The following ARHGAP11B variants were observed in gnomAD, a reference collection of about 807,000 sequenced individuals.
ARHGAP11B encodes the protein Rho GTPase activating protein 11B, also known as inactive Rho GTPase-activating protein 11B.
A neutral mutation model predicts 27.6 loss-of-function variants in ARHGAP11B; 14 were observed. The observed-to-expected ratio is 0.51, with a 90% CI of 0.34 to 0.79. The LOEUF (loss-of-function observed/expected upper bound fraction) is 0.79, where lower values mean the gene tolerates loss of function less well. ARHGAP11B is among the 30% of genes least tolerant of loss of function. The pLI is 0.02. For missense variants in ARHGAP11B, 245 were observed against 320.1 expected (o/e 0.77, Z 1.79); for synonymous variants, 82 against 114.1 (o/e 0.72, Z 1.80).
intron 10 of ARHGAP11B, chr15:30,647,778 T>C (rs1419768030): frequency 5.6e-6 from 1 of 179,230 alleles, no homozygotes; most frequent in African/African-American, 2.4e-5. Context: ...ATAGCATACA[T>C]ACTTATCAAA....
intron 5 of ARHGAP11B, 52 bp downstream of exon 5, chr15:30,635,240 A>G (rs1234518962): frequency 6.3e-7 from 1 of 1,599,144 alleles, no homozygotes; most frequent in East Asian, 2.2e-5. Flanking sequence ...TGCATCAGAT[A>G]TTGGTAAGAT....
rs1350585917 is a variant in ARHGAP11B at position 30,646,200 on chromosome 15, T to C, written c.*229T>C. Reference sequence around the variant, plus strand: ...GCAGATCGACTCCAGTGAGAAGAGCTCGGGGACCTCCTGAGCCAAGTTTAA... The same window carrying C: ...GCAGATCGACTCCAGTGAGAAGAGCCCGGGGACCTCCTGAGCCAAGTTTAA... On this transcript the variant is annotated 3_prime_UTR_variant, in exon 9 of 11. Coordinates refer to ENST00000428041, the Ensembl canonical transcript of ARHGAP11B. 20 of 1,066,940 alleles carry C rather than the reference T, an allele frequency of 1.9e-5. No homozygotes were observed. In the Admixed American group the frequency reaches 3.8e-4, roughly 20 times the overall value. The allele number at this position is 1,066,940 out of a possible 1,614,324, so 66.1% of individuals were successfully genotyped here. A position where few individuals can be genotyped will look rare whatever the true frequency, so the allele number is the denominator to read the frequency against.
At position 30,632,734 on chromosome 15, in the gene ARHGAP11B, A is replaced by C. The variant is rs536500666; in HGVS notation, c.201-756A>C. On this transcript the variant is annotated intron_variant, in intron 2 of 10. Coordinates refer to ENST00000428041, the Ensembl canonical transcript of ARHGAP11B. The stretch of plus-strand genomic sequence containing the variant: ...AAAGAAATTGAGCACATTCCCCTTA[A>C]TATGAAAAGGCTTGTAAGGACTGGG... Among the ~76,000 whole-genome samples, 11 of 151,714 alleles carry C rather than the reference A, an allele frequency of 7.3e-5. 1 individual carries two copies. In the South Asian group the frequency reaches 2.3e-3, roughly 32 times the overall value.
At chr15:30,641,177 T>TTCTTTGACC (rs2060312916) in intron 7 of ARHGAP11B, among the ~76,000 whole-genome samples, 1 of 152,048 alleles carries the variant, frequency 6.6e-6, no homozygotes, top group Non-Finnish European at 1.5e-5. Context: ...TACACCACTT[T>TTCTTTGACC]TCTTTGACCC....
In ARHGAP11B at chr15:30,633,682, A is replaced by G; in HGVS notation, c.297+96A>G. The G allele has an allele frequency of 4.0e-6, 4 of 1,009,398 alleles. 1 individual carries two copies. Among genetic ancestry groups the G allele is most frequent in the Non-Finnish European group, 4.2e-6 (3 of 718,884 alleles). 62.5% of individuals were successfully genotyped at this position (1,009,398 alleles called of 1,614,324 possible). A position where few individuals can be genotyped will look rare whatever the true frequency, so the allele number is the denominator to read the frequency against. On this transcript the variant is annotated intron_variant, in intron 3 of 10. Coordinates refer to ENST00000428041, the Ensembl canonical transcript of ARHGAP11B. The stretch of plus-strand genomic sequence containing the variant: ...TTAGAACTATTAATATGAATAGTTG[A>G]CAGAAATTGAATTTGCATTTTTTTC...
rs1044805091 is a variant in ARHGAP11B at position 30,626,168 on chromosome 15, A to C, written c.-653A>C. 2.6e-5 allele frequency: 4 copies of C among 153,202 alleles called. 1 individual carries two copies. The highest frequency in any genetic ancestry group is 9.6e-5 in the African/African-American group (4 of 41,456). 9.5% of individuals were successfully genotyped at this position (153,202 alleles called of 1,614,324 possible). A position where few individuals can be genotyped will look rare whatever the true frequency, so the allele number is the denominator to read the frequency against. ...CTGCAGTGGAGCTGGGGGCGGAAGC[A>C]TGAGGCTAACGGCTTGGCTTCAGTG... is the stretch of plus-strand genomic sequence containing the variant. On this transcript the variant is annotated 5_prime_UTR_variant, in exon 1 of 11. The change abolishes an upstream ATG in the 5' untranslated region. Coordinates refer to ENST00000428041, the Ensembl canonical transcript of ARHGAP11B.
At position 30,637,688 on chromosome 15, in the gene ARHGAP11B, C is replaced by T. The variant is rs1595675814; in HGVS notation, c.*4-1058C>T. Among the ~76,000 whole-genome samples, 4 of 151,958 alleles carry T rather than the reference C, an allele frequency of 2.6e-5. 1 individual carries two copies. The South Asian group carries it at 6.2e-4, about 24-fold the overall frequency. ...GGCGGAGGTTGTCGTTGGCTGAGAT[C>T]GGGCCACTGCACTCCAGCCTGGGCA... On this transcript the variant is annotated intron_variant, in intron 6 of 10. Coordinates refer to ENST00000428041, the Ensembl canonical transcript of ARHGAP11B.
chr15:30,640,791 G>C (rs2060310672), intron 7 of ARHGAP11B, among the ~76,000 whole-genome samples: 1 of 151,934 alleles, frequency 6.6e-6, no homozygotes, highest in Non-Finnish European at 1.5e-5. Flanking sequence ...TTCCTCACAG[G>C]TTCTCTAGGG....
At chr15:30,629,305 AG>A (rs2060229128) in intron 1 of ARHGAP11B, among the ~76,000 whole-genome samples, 1 of 151,988 alleles carries the variant, frequency 6.6e-6, no homozygotes, top group Non-Finnish European at 1.5e-5. Context: ...GCATTTTGGG[AG>A]GCCGAGGAGG....
chr15:30,635,642 T>C lies in ARHGAP11B; in HGVS notation c.*3+9T>C, dbSNP rs777252515. The C allele has an allele frequency of 7.5e-5, 121 of 1,613,040 alleles. 1 individual carries two copies. In the East Asian group the frequency reaches 1.6e-3, roughly 21 times the overall value. On this transcript the variant is annotated intron_variant, in intron 6 of 10. Transcript: ENST00000428041. ...AAGACAACGTGTAGGAGGTAAGTGG[T>C]GGTCCCATTTTATGGAGGTACAGTG...
chr15:30,643,202 A>G (rs2060325319), intron 7 of ARHGAP11B, among the ~76,000 whole-genome samples: 2 of 151,474 alleles, frequency 1.3e-5, no homozygotes, highest in Non-Finnish European at 2.9e-5. Context: ...CCTTAGTCTC[A>G]TATAATCTGT....
chr15:30,630,510 C>G (rs1408360146), intron 1 of ARHGAP11B, among the ~76,000 whole-genome samples, 193 bp from the exon 2 acceptor site: 2 of 151,966 alleles, frequency 1.3e-5, no homozygotes, highest in African/African-American at 2.4e-5. Context: ...ACTCCCAGCA[C>G]TCAGCATACT....
At chr15:30,641,878 AG>A (rs1329216391) in intron 7 of ARHGAP11B, among the ~76,000 whole-genome samples, 1 of 151,518 alleles carries the variant, frequency 6.6e-6, no homozygotes, top group Non-Finnish European at 1.5e-5. Context: ...CACCACACCC[AG>A]CTAATTTTTG....
chr15:30,630,834 T>A lies in ARHGAP11B; in HGVS notation c.200+61T>A, dbSNP rs2060240202. 8.7e-6 allele frequency: 14 copies of A among 1,608,194 alleles called. No individual in the cohort carries two copies. The South Asian group carries it at 1.3e-4, about 15-fold the overall frequency. On this transcript the variant is annotated intron_variant, in intron 2 of 10. Coordinates refer to ENST00000428041, the Ensembl canonical transcript of ARHGAP11B. ...GTGGCATATGCCTGTAACCCCAGCA[T>A]TTTGAGAGGCCGAGGTGGGCAGATC...
chr15:30,634,680 C>T (rs969132047), intron 4 of ARHGAP11B, among the ~76,000 whole-genome samples: 1 of 151,766 alleles, frequency 6.6e-6, no homozygotes, highest in African/African-American at 2.4e-5. Flanking sequence ...CACTGAAAGC[C>T]TTTGTTTACT....
intron 1 of ARHGAP11B, among the ~76,000 whole-genome samples, chr15:30,627,202 T>A (rs2060215185): frequency 6.6e-6 from 1 of 151,972 alleles, no homozygotes; most frequent in South Asian, 2.1e-4. Flanking sequence ...TTGGATTAGA[T>A]AATTTTTGTT....
At position 30,626,664 on chromosome 15, in the gene ARHGAP11B, G is replaced by A. The variant is rs2060209192; in HGVS notation, c.-157G>A. 9.7e-7 allele frequency: 1 copy of A among 1,034,078 alleles called. No individual in the cohort carries two copies. Among genetic ancestry groups the A allele is most frequent in the Admixed American group, 2.9e-5 (1 of 34,514 alleles). 64.1% of individuals were successfully genotyped at this position (1,034,078 alleles called of 1,614,324 possible). On this transcript the variant is annotated 5_prime_UTR_variant, in exon 1 of 11. The change creates a new upstream start codon in the 5' untranslated region. Transcript: ENST00000428041. ...TGTGAGTGAGGATCAAGGAAAAGCC[G>A]TGGAAGTGGCCGGGGGTCGGGGCCG...
chr15:30,644,387 G>C (rs1420943552), intron 7 of ARHGAP11B, among the ~76,000 whole-genome samples: 1 of 152,014 alleles, frequency 6.6e-6, no homozygotes, highest in African/African-American at 2.4e-5. Flanking sequence ...TAAAGAGTAA[G>C]CCAAGATAGG....
At chr15:30,639,387 A>G (rs1174095915) in intron 7 of ARHGAP11B, among the ~76,000 whole-genome samples, 4 of 151,556 alleles carry the variant, frequency 2.6e-5, no homozygotes, top group Non-Finnish European at 2.9e-5. Flanking sequence ...GTTAGATTTA[A>G]GTAACTGCTG....
Sources: allele counts gnomAD v4.1 joint callset (sites outside exome capture counted in the v4.1 genomes callset), GRCh38; gene constraint gnomAD v4.1.1; transcripts MANE v1.5; gene names NCBI Gene and HGNC (gene_info 2026-07-23, HGNC 2026-07-21).